CERKL: variants seen among roughly 807,000 people sequenced by gnomAD.
The protein encoded by CERKL is CERK like autophagy regulator, also known as ceramide kinase-like protein.
A neutral mutation model predicts 63.4 loss-of-function variants in CERKL; 61 were observed. That is an observed-to-expected ratio of 0.96 (90% CI 0.78 to 1.19). CERKL has a LOEUF of 1.19. Among genes scored for constraint, CERKL ranks in the 50% most tolerant of loss-of-function variants. The pLI, the probability that CERKL is intolerant of heterozygous loss-of-function variation, is 0.00. For missense variants in CERKL, 675 were observed against 655.5 expected (o/e 1.03, Z -0.33); for synonymous variants, 250 against 230.5 (o/e 1.08, Z -0.77).
At position 181,629,087 on chromosome 2, in the gene CERKL, C is replaced by A. The variant is rs188433341; in HGVS notation, c.239-25008G>T. Among the ~76,000 whole-genome samples, 382 of 135,762 alleles carry A rather than the reference C, an allele frequency of 2.8e-3. 11 individuals carry two copies. The East Asian group carries it at 0.057, about 20-fold the overall frequency. 89.1% of individuals were successfully genotyped at this position (135,762 alleles called of 152,430 possible). A position where few individuals can be genotyped will look rare whatever the true frequency, so the allele number is the denominator to read the frequency against. On this transcript the variant is annotated intron_variant, in intron 1 of 12. Coordinates refer to ENST00000410087, the MANE Select transcript of CERKL (RefSeq NM_201548.5). ...CCAAATTGAATTAACTCATTTTAGT[C>A]CTTATCTTTTAACACAATTATATCA... is the stretch of plus-strand genomic sequence containing the variant.
At chr2:181,619,013 C>G (rs1686335209) in intron 1 of CERKL, among the ~76,000 whole-genome samples, 1 of 152,118 alleles carries the variant, frequency 6.6e-6, no homozygotes, top group Non-Finnish European at 1.5e-5. Context: ...CAACAAGTTC[C>G]TACTACATCT....
At chr2:181,573,983 A>C (rs1196523516) in intron 2 of CERKL, 99 bp from the exon 3 acceptor site, 1 of 1,067,566 alleles carries the variant, frequency 9.4e-7, no homozygotes, top group Non-Finnish European at 1.4e-6. Flanking sequence ...TGTTATATGC[A>C]TTTAAATAGT....
Position 181,538,047 on chromosome 2 carries a change from CCATTCCCCCATCCACGGAAAAA to C in CERKL, c.*115_*136del, listed in dbSNP as rs1265207703. On this transcript the variant is annotated 3_prime_UTR_variant, in exon 13 of 13. Transcript: ENST00000410087. Reference sequence around the variant, plus strand: ...TGAGGTGGAACAGTTCATCCTGAAACCATTCCCCCATCCACGGAAAAATTGTCTTCCATGAAACTGGTCCCAA... The same window carrying C: ...TGAGGTGGAACAGTTCATCCTGAAACTTGTCTTCCATGAAACTGGTCCCAA... 11 of 702,988 alleles carry C rather than the reference CCATTCCCCCATCCACGGAAAAA, an allele frequency of 1.6e-5. No homozygotes were observed. Among genetic ancestry groups the C allele is most frequent in the Admixed American group, 4.0e-5 (2 of 49,548 alleles). 43.5% of individuals were successfully genotyped at this position (702,988 alleles called of 1,614,324 possible). A position where few individuals can be genotyped will look rare whatever the true frequency, so the allele number is the denominator to read the frequency against.
Position 181,536,748 on chromosome 2 carries a change from T to TA in CERKL, c.*1435dup, listed in dbSNP as rs1214754559. 9 of 248,730 alleles carry TA rather than the reference T, an allele frequency of 3.6e-5. No individual in the cohort carries two copies. Among genetic ancestry groups the TA allele is most frequent in the Admixed American group, 1.0e-4 (2 of 19,768 alleles). 15.4% of individuals were successfully genotyped at this position (248,730 alleles called of 1,614,324 possible). ...CTATTTTAAATGACTTTCTGGATTT[T>TA]AAAAAATTTCTTTAAATACAATCAT... On this transcript the variant is annotated 3_prime_UTR_variant, in exon 13 of 13. Coordinates refer to ENST00000410087, the MANE Select transcript of CERKL (RefSeq NM_201548.5).
chr2:181,616,857 G>T (rs139441137), intron 1 of CERKL, among the ~76,000 whole-genome samples: 4 of 152,200 alleles, frequency 2.6e-5, no homozygotes, highest in Non-Finnish European at 5.9e-5. Flanking sequence ...ATATTCAGGA[G>T]AAATTGGTGA....
chr2:181,653,626 TAAGAG>T (rs1431366017), intron 1 of CERKL, among the ~76,000 whole-genome samples: 1 of 152,206 alleles, frequency 6.6e-6, no homozygotes, highest in Non-Finnish European at 1.5e-5. Flanking sequence ...GACATCGTGT[TAAGAG>T]AAGTAACCCA....
intron 2 of CERKL, among the ~76,000 whole-genome samples, chr2:181,579,001 A>G (rs1307012246): frequency 6.6e-6 from 1 of 152,042 alleles, no homozygotes; most frequent in Non-Finnish European, 1.5e-5. Flanking sequence ...CTACAGAAAC[A>G]GCAGAGTTGC....
At chr2:181,643,114 C>T (rs1687519467) in intron 1 of CERKL, among the ~76,000 whole-genome samples, 3 of 152,138 alleles carry the variant, frequency 2.0e-5, no homozygotes, top group African/African-American at 7.2e-5. Flanking sequence ...AGACAGTGGG[C>T]CCCATTGACC....
chr2:181,559,689 TA>T (rs1243382072), intron 4 of CERKL, among the ~76,000 whole-genome samples: 5 of 152,306 alleles, frequency 3.3e-5, no homozygotes, highest in African/African-American at 4.8e-5. Context: ...TCAATATATT[TA>T]AAAACACTAT....
chr2:181,557,941 GTCT>G (rs1688280956), intron 5 of CERKL, among the ~76,000 whole-genome samples: 1 of 152,050 alleles, frequency 6.6e-6, no homozygotes, highest in African/African-American at 2.4e-5. Context: ...ACTATATAAA[GTCT>G]TCTTTACATG....
intron 1 of CERKL, among the ~76,000 whole-genome samples, chr2:181,604,326 T>G (rs1246997514): frequency 6.6e-6 from 1 of 152,004 alleles, no homozygotes; most frequent in African/African-American, 2.4e-5. Flanking sequence ...ATAAAATGAA[T>G]TACTAGTAAG....
chr2:181,601,531 C>G (rs1685458122), intron 2 of CERKL, among the ~76,000 whole-genome samples: 1 of 152,170 alleles, frequency 6.6e-6, no homozygotes, highest in Non-Finnish European at 1.5e-5. Context: ...CACTGTACTC[C>G]AGCCAGGGTG....
intron 12 of CERKL, 102 bp downstream of exon 12, chr2:181,538,990 T>G: frequency 1.1e-6 from 1 of 895,318 alleles, no homozygotes; most frequent in East Asian, 2.4e-5. Context: ...TTTTAAAAAC[T>G]AACCAACTGC....
At position 181,562,264 on chromosome 2, in the gene CERKL, C is replaced by T. The variant is rs567152075; in HGVS notation, c.678-3556G>A. 1.2e-4 allele frequency among the ~76,000 whole-genome samples: 18 copies of T among 152,246 alleles called. No individual in the cohort carries two copies. The East Asian group carries it at 3.5e-3, about 29-fold the overall frequency. On this transcript the variant is annotated intron_variant, in intron 4 of 12. Coordinates refer to ENST00000410087, the MANE Select transcript of CERKL (RefSeq NM_201548.5). ...CCCTTCCCACCAGCTCCATGATATC[C>T]CGCCTCTCTGGGCCAAACCAATGAA...
rs191262797 is a variant in CERKL at position 181,613,620 on chromosome 2, A to T, written c.239-9541T>A. On this transcript the variant is annotated intron_variant, in intron 1 of 12. Transcript: ENST00000410087. ...GGCTTAGAAGAAATTAAAAAGAAAAACTATAGGCTTAGAAGAAATATTTAG... is the reference window on the plus strand; with the variant it reads ...GGCTTAGAAGAAATTAAAAAGAAAATCTATAGGCTTAGAAGAAATATTTAG... 1.5e-3 allele frequency among the ~76,000 whole-genome samples: 225 copies of T among 152,292 alleles called. 1 individual carries two copies. Among genetic ancestry groups the T allele is most frequent in the Non-Finnish European group, 2.4e-3 (166 of 68,020 alleles).
intron 12 of CERKL, among the ~76,000 whole-genome samples, chr2:181,538,618 A>G (rs1383598923): frequency 6.6e-6 from 1 of 152,138 alleles, no homozygotes; most frequent in Non-Finnish European, 1.5e-5. Context: ...TTGCTATGTA[A>G]AATTGTTCCC....
At chr2:181,628,187 GCAA>G (rs1014888134) in intron 1 of CERKL, among the ~76,000 whole-genome samples, 4 of 152,050 alleles carry the variant, frequency 2.6e-5, no homozygotes, top group Non-Finnish European at 5.9e-5. Context: ...ACTCCAAAAC[GCAA>G]CACCATCAAC....
intron 10 of CERKL, 111 bp downstream of exon 10, chr2:181,547,507 A>G: frequency 1.2e-6 from 1 of 805,166 alleles, no homozygotes; most frequent in Non-Finnish European, 2.1e-6. Flanking sequence ...TCTAATATAC[A>G]AAGATAAACT....
intron 1 of CERKL, among the ~76,000 whole-genome samples, chr2:181,650,854 GAAATA>G: frequency 6.6e-6 from 1 of 151,840 alleles, no homozygotes; most frequent in Non-Finnish European, 1.5e-5. Flanking sequence ...AGAAATAAAT[GAAATA>G]GAGACTAAAA....
Sources: gnomAD v4.1 joint callset for allele counts (sites outside exome capture counted in the v4.1 genomes callset) on GRCh38, gnomAD v4.1.1 for gene constraint, MANE v1.5 for transcripts, NCBI Gene and HGNC (gene_info 2026-07-23, HGNC 2026-07-21) for gene names.